LCOR: variants seen among roughly 807,000 people sequenced by gnomAD.
The protein encoded by LCOR is ligand dependent nuclear receptor corepressor.
A neutral mutation model predicts 64.4 loss-of-function variants in LCOR; 14 were observed. That is an observed-to-expected ratio of 0.22 (90% confidence interval 0.14 to 0.34). LCOR has a LOEUF of 0.34. Ranked by LOEUF, LCOR falls within the 10% of genes least tolerant of loss-of-function variation. The pLI, the probability that LCOR is intolerant of heterozygous loss-of-function variation, is 1.00. For synonymous variants in LCOR, 643 were observed against 642.5 expected, an observed-to-expected ratio of 1.00 and a Z score of -0.01; for missense variants, 1,686 against 1,765.3, an observed-to-expected ratio of 0.96 and a Z score of 0.80.
intron 4 of LCOR, among the ~76,000 whole-genome samples, chr10:96,939,685 CCGGGCGCGGGGCCCACGCCT>C (rs1300251826): frequency 6.6e-6 from 1 of 152,218 alleles, no homozygotes; most frequent in African/African-American, 2.4e-5. Flanking sequence ...AGGATCTAGG[CCGGGCGCGGGGCCCACGCCT>C]GTAATCCCAG....
intron 7 of LCOR, among the ~76,000 whole-genome samples, chr10:96,969,161 T>C (rs1197208020): frequency 6.6e-6 from 1 of 152,170 alleles, no homozygotes; most frequent in Non-Finnish European, 1.5e-5. Flanking sequence ...GGCATGAATT[T>C]AGTGTGAGGG....
chr10:96,840,497 GAAA>G (rs1845521473), intron 2 of LCOR, among the ~76,000 whole-genome samples: 1 of 152,050 alleles, frequency 6.6e-6, no homozygotes, highest in Non-Finnish European at 1.5e-5. Context: ...TTTGCTAAAA[GAAA>G]AAAATGATGG....
rs79855136 is a variant in LCOR, at chr10:96,858,910, G to T, written c.-330+25431G>T. Among the ~76,000 whole-genome samples the T allele has an allele frequency of 2.0e-5, 3 of 152,166 alleles. No homozygotes were observed. The East Asian group carries it at 5.8e-4, about 29-fold the overall frequency. ...GATACAAATTATTCTTTCTCTACTGGCTCTCCCTGTCCTTTGCTAAATTTG... is the reference window on the plus strand; with the variant it reads ...GATACAAATTATTCTTTCTCTACTGTCTCTCCCTGTCCTTTGCTAAATTTG... On this transcript the variant is annotated intron_variant, in intron 2 of 7. Coordinates refer to ENST00000421806, the MANE Select transcript of LCOR (RefSeq NM_001346516.2).
At chr10:96,894,081 T>C (rs1156466622) in intron 2 of LCOR, among the ~76,000 whole-genome samples, 1 of 152,076 alleles carries the variant, frequency 6.6e-6, no homozygotes, top group Non-Finnish European at 1.5e-5. Context: ...ACTATTGATA[T>C]TTGAGAGAAT....
chr10:96,838,263 A>C (rs1845480178), intron 2 of LCOR, among the ~76,000 whole-genome samples: 1 of 152,182 alleles, frequency 6.6e-6, no homozygotes. Context: ...TACATATATC[A>C]TCACTGTCTA....
At chr10:96,868,283 T>C (rs1271782907) in intron 2 of LCOR, among the ~76,000 whole-genome samples, 1 of 151,058 alleles carries the variant, frequency 6.6e-6, no homozygotes, top group Non-Finnish European at 1.5e-5. Context: ...CTTTTCTTTT[T>C]TTTTTTTTTG....
At chr10:96,926,890 T>A (rs2134482605) in intron 4 of LCOR, among the ~76,000 whole-genome samples, 1 of 152,330 alleles carries the variant, frequency 6.6e-6, no homozygotes, top group South Asian at 2.1e-4. Context: ...TGCTGAGTAG[T>A]TCTCCATAGC....
At chr10:96,930,674 T>G (rs940471626) in intron 4 of LCOR, among the ~76,000 whole-genome samples, 6 of 152,204 alleles carry the variant, frequency 3.9e-5, no homozygotes, top group African/African-American at 1.4e-4. Context: ...GAATGGGTCC[T>G]CTCCAAAATT....
At chr10:96,916,618 ATTAT>A (rs1846955219) in intron 4 of LCOR, among the ~76,000 whole-genome samples, 1 of 130,190 alleles carries the variant, frequency 7.7e-6, no homozygotes, top group Non-Finnish European at 1.5e-5. Context: ...TATATATATG[ATTAT>A]TTATTTTTTT....
intron 4 of LCOR, among the ~76,000 whole-genome samples, chr10:96,943,905 AAAAG>A (rs1375542731): frequency 1.3e-5 from 2 of 152,228 alleles, no homozygotes; most frequent in Non-Finnish European, 2.9e-5. Context: ...CATAGTCAAA[AAAAG>A]AAGTAGATAA....
intron 7 of LCOR, chr10:96,956,887 A>C: frequency 3.0e-6 from 3 of 985,044 alleles, no homozygotes; most frequent in Non-Finnish European, 3.6e-6. Context: ...TAAGATATTC[A>C]AGATCTCTTT....
intron 2 of LCOR, among the ~76,000 whole-genome samples, chr10:96,854,047 T>C (rs1398197118): frequency 6.6e-6 from 1 of 152,126 alleles, no homozygotes; most frequent in East Asian, 1.9e-4. Flanking sequence ...CAAGGTGAGA[T>C]TCAGGTGGGG....
chr10:96,833,270 C>T, intron 1 of LCOR, 136 bp from the exon 2 acceptor site: 1 of 957,772 alleles, frequency 1.0e-6, no homozygotes, highest in Non-Finnish European at 1.2e-6. Flanking sequence ...CCCCCCGCCT[C>T]CCGGACCTTG....
At chr10:96,938,159 A>T (rs892865208) in intron 4 of LCOR, among the ~76,000 whole-genome samples, 22 of 152,152 alleles carry the variant, frequency 1.4e-4, no homozygotes, top group African/African-American at 5.3e-4. Context: ...GGGTCTCCCT[A>T]TGTTGCCCAG....
intron 7 of LCOR, among the ~76,000 whole-genome samples, chr10:96,952,811 A>G (rs1218894582): frequency 1.3e-5 from 2 of 152,172 alleles, no homozygotes; most frequent in East Asian, 3.8e-4. Flanking sequence ...CCCTATGTGT[A>G]TCTGATAACC....
rs866887683 is a variant in LCOR at position 96,861,944 on chromosome 10, T to C, written c.-330+28465T>C. ...GACCCTCCTCCTTCAGACAGCAATC[T>C]TAAGTCTGGGCTTCTGGAACTTCTT... On this transcript the variant is annotated intron_variant, in intron 2 of 7. Coordinates refer to ENST00000421806, the MANE Select transcript of LCOR (RefSeq NM_001346516.2). 2.0e-5 allele frequency among the ~76,000 whole-genome samples: 3 copies of C among 152,356 alleles called. No homozygotes were observed. In the South Asian group the frequency reaches 6.2e-4, roughly 32 times the overall value.
chr10:96,960,706 A>G (rs1228817747), intron 7 of LCOR: 3 of 152,146 alleles, frequency 2.0e-5, no homozygotes, highest in Non-Finnish European at 4.4e-5. Flanking sequence ...TAAAAACTTG[A>G]TGGCTTCAGC....
At chr10:96,842,408 A>G (rs764924893) in intron 2 of LCOR, among the ~76,000 whole-genome samples, 3 of 152,068 alleles carry the variant, frequency 2.0e-5, no homozygotes, top group Admixed American at 6.6e-5. Flanking sequence ...ACATACATAC[A>G]TACATAAATA....
intron 2 of LCOR, among the ~76,000 whole-genome samples, chr10:96,885,504 CCCAAGTAGCTGG>C (rs1846327701): frequency 6.6e-6 from 1 of 151,884 alleles, no homozygotes; most frequent in Non-Finnish European, 1.5e-5. Flanking sequence ...GCCTCAGCCT[CCCAAGTAGCTGG>C]GATCACAGGC....
Sources: allele counts gnomAD v4.1 joint callset (sites outside exome capture counted in the v4.1 genomes callset), GRCh38; gene constraint gnomAD v4.1.1; transcripts MANE v1.5; gene names NCBI Gene and HGNC (gene_info 2026-07-23, HGNC 2026-07-21).